SLC16A3: variants seen among roughly 807,000 people sequenced by gnomAD.
The protein encoded by SLC16A3 is solute carrier family 16 member 3.
SLC16A3 carries 22 observed loss-of-function variants against 25.0 expected under a neutral mutation model. That is an observed-to-expected ratio of 0.88 (90% CI 0.63 to 1.26). SLC16A3 has a LOEUF of 1.26. SLC16A3 is among the 50% of genes most tolerant of loss of function. The pLI, the probability that SLC16A3 is intolerant of heterozygous loss-of-function variation, is 0.00. For synonymous variants in SLC16A3, 390 were observed against 309.2 expected (o/e 1.26, Z -2.74); for missense variants, 731 against 666.6 (o/e 1.10, Z -1.06).
At chr17:82,219,820 ACTCCT>A (rs1470815692) in intron 1 of SLC16A3, among the ~76,000 whole-genome samples, 1 of 150,892 alleles carries the variant, frequency 6.6e-6, no homozygotes, top group Non-Finnish European at 1.5e-5. Context: ...TCCAGTCTTG[ACTCCT>A]CTCCTTCCAC....
chr17:82,232,620 G>A (rs2050515699), intron 1 of SLC16A3, among the ~76,000 whole-genome samples: 1 of 152,222 alleles, frequency 6.6e-6, no homozygotes, highest in South Asian at 2.1e-4. Flanking sequence ...AGGACTTCAT[G>A]GTCGAATCCT....
At position 82,237,855 on chromosome 17, in the gene SLC16A3, T is replaced by C; in HGVS notation, c.1085T>C (p.Met362Thr). ...FSSAIGLVLL[M>T]EAVAVLVGPP... is the part of the protein sequence containing the mutation. ...AGTGCCATTGGCCTGGTGCTGCTGA[T>C]GGAGGCGGTGGCCGTGCTCGTCGGG... The change falls in exon 4 of 5, where the codon ATG (methionine) becomes ACG (threonine). Residue 362 changes from methionine to threonine, a missense_variant. Met to Thr is a moderately conservative substitution (Grantham distance 81, BLOSUM62 -1). Coordinates refer to ENST00000582743, the MANE Select transcript of SLC16A3 (RefSeq NM_004207.4). The C allele has an allele frequency of 6.2e-7, 1 of 1,603,752 alleles. No individual in the cohort carries two copies. The highest frequency in any genetic ancestry group is 8.5e-7 in the Non-Finnish European group (1 of 1,179,800).
Position 82,237,400 on chromosome 17 carries a change from G to A in SLC16A3, c.630G>A (p.Pro210=), listed in dbSNP as rs776404128. The A allele has an allele frequency of 3.0e-5, 47 of 1,556,788 alleles. No individual in the cohort carries two copies. The highest frequency in any genetic ancestry group is 3.6e-5 in the Non-Finnish European group (42 of 1,150,760). ...LVVTAQPGSG[P]PRPSRRLLDL... is the part of the protein sequence containing the mutation. ...TCACGGCCCAGCCGGGCTCGGGGCCGCCGCGACCCTCCCGGCGCCTGCTAG... is the reference window on the plus strand; with the variant it reads ...TCACGGCCCAGCCGGGCTCGGGGCCACCGCGACCCTCCCGGCGCCTGCTAG... The change falls in exon 4 of 5, where the codon CCG becomes CCA. Residue 210 remains proline (P), a synonymous_variant. Coordinates refer to ENST00000582743, the MANE Select transcript of SLC16A3 (RefSeq NM_004207.4).
intron 1 of SLC16A3, chr17:82,234,140 T>A (rs1020893940): frequency 6.6e-6 from 1 of 152,286 alleles, no homozygotes; most frequent in Non-Finnish European, 1.5e-5. Flanking sequence ...GCGCCCGGCC[T>A]CAGTGCATAT....
At position 82,236,054 on chromosome 17, in the gene SLC16A3, C is replaced by T. The variant is rs567815704; in HGVS notation, c.46C>T (p.Pro16Ser). 3.1e-6 allele frequency: 5 copies of T among 1,612,792 alleles called. No individual in the cohort carries two copies. Among genetic ancestry groups the T allele is most frequent in the East Asian group, 2.2e-5 (1 of 44,878 alleles). The change falls in exon 2 of 5, where the codon CCT becomes TCT. Residue 16 changes from proline to serine, a missense_variant. By Grantham distance (74) the Pro-to-Ser change is moderately conservative. Transcript: ENST00000582743. Reference protein sequence around the residue: ...VDEGPTGVKAPDGGWGWAVLF... With the variant: ...VDEGPTGVKASDGGWGWAVLF... ...CGAGGGCCCCACAGGCGTCAAGGCC[C>T]CTGACGGCGGCTGGGGCTGGGCCGT...
rs1255459125 is a variant in SLC16A3 at position 82,236,880 on chromosome 17, G to A, written c.367+8G>A. 1.2e-6 allele frequency: 2 copies of A among 1,603,896 alleles called. No homozygotes were observed. The highest frequency in any genetic ancestry group is 1.7e-6 in the Non-Finnish European group (2 of 1,179,394). On this transcript the variant is annotated splice_region_variant and intron_variant, in intron 3 of 4. Coordinates refer to ENST00000582743, the MANE Select transcript of SLC16A3 (RefSeq NM_004207.4). Reference sequence around the variant, plus strand: ...CCACTGGGGTCATCACGGGTGAGTGGGGCCGGCCGGTGGGCCGCACGTGCC... The same window carrying A: ...CCACTGGGGTCATCACGGGTGAGTGAGGCCGGCCGGTGGGCCGCACGTGCC...
chr17:82,222,839 A>G (rs890295295), intron 1 of SLC16A3, among the ~76,000 whole-genome samples: 13 of 150,956 alleles, frequency 8.6e-5, no homozygotes, highest in Non-Finnish European at 1.9e-4. Flanking sequence ...AAGCACTGAT[A>G]GACCCTCTCC....
At chr17:82,231,594 T>A (rs950767541) in intron 1 of SLC16A3, 6 of 152,250 alleles carry the variant, frequency 3.9e-5, no homozygotes, top group African/African-American at 1.2e-4. Context: ...CCCAGGGCGG[T>A]GACAGCCTTG....
chr17:82,218,775 G>A (rs541097090), intron 1 of SLC16A3, among the ~76,000 whole-genome samples: 1 of 152,192 alleles, frequency 6.6e-6, no homozygotes, highest in African/African-American at 2.4e-5. Flanking sequence ...CGGGCAGCAG[G>A]GACGAGGGCC....
intron 4 of SLC16A3, among the ~76,000 whole-genome samples, chr17:82,238,176 C>T (rs116709581): frequency 0.013 from 1,924 of 152,324 alleles, 47 homozygotes; most frequent in African/African-American, 0.044. Flanking sequence ...CACCACGCGG[C>T]AGCTCCAGGC....
chr17:82,238,662 G>T, intron 4 of SLC16A3, 40 bp from the exon 5 acceptor site: 1 of 1,572,932 alleles, frequency 6.4e-7, no homozygotes, highest in Non-Finnish European at 8.6e-7. Flanking sequence ...CCTGGGGGCA[G>T]CCCGCATGAG....
rs200097117 is a variant in SLC16A3 at position 82,238,891 on chromosome 17, T to C, written c.1313T>C (p.Val438Ala). ...CACAAGCCTCCTGCAGACTCGGGGG[T>C]GGACTTGCGGGAGGTGGAGCATTTC... The part of the protein sequence containing the change: ...KLHKPPADSG[V>A]DLREVEHFLK... Residue 438 changes from valine (V) to alanine (A), a missense_variant, in exon 5 of 5, where the codon GTG becomes GCG. Transcript: ENST00000582743. 9.8e-4 allele frequency: 1,568 copies of C among 1,604,876 alleles called. 19 individuals are homozygous for C. Among genetic ancestry groups the C allele is most frequent in the Non-Finnish European group, 6.6e-5 (78 of 1,174,450 alleles).
chr17:82,221,727 C>G (rs1350029025), intron 1 of SLC16A3, among the ~76,000 whole-genome samples: 1 of 152,132 alleles, frequency 6.6e-6, no homozygotes, highest in African/African-American at 2.4e-5. Context: ...ACTTCACACC[C>G]ACGAGCACGG....
chr17:82,237,709 TACGGCGGGCGA>T lies in SLC16A3; in HGVS notation c.940_950del (p.Thr314LeufsTer94), dbSNP rs758720815. The T allele has an allele frequency of 9.9e-6, 16 of 1,612,426 alleles. No individual in the cohort carries two copies. The highest frequency in any genetic ancestry group is 1.2e-5 in the Non-Finnish European group (14 of 1,179,922). On this transcript the variant is annotated frameshift_variant, in exon 4 of 5. Coordinates refer to ENST00000582743, the MANE Select transcript of SLC16A3 (RefSeq NM_004207.4). LOFTEE classifies it high-confidence loss of function. ...ACGGCCTCGCGGACCTGGCGGGTTC[TACGGCGGGCGA>T]CTACGGCGGCCTCGTGGTCTTCTGC...
intron 1 of SLC16A3, among the ~76,000 whole-genome samples, chr17:82,219,869 C>T (rs751895503): frequency 3.9e-5 from 6 of 152,072 alleles, no homozygotes; most frequent in African/African-American, 9.7e-5. Context: ...GACCCAGGGC[C>T]GACGTGGGCT....
At chr17:82,228,737 G>A (rs946429690), upstream of SLC16A3, among the ~76,000 whole-genome samples, 5 of 152,270 alleles carry the variant, frequency 3.3e-5, no homozygotes, top group South Asian at 2.1e-4. Context: ...ACGGCGGGGC[G>A]GAGGGGCGAA....
At chr17:82,236,912 G>GGC (rs2050617235) in intron 3 of SLC16A3, 40 bp downstream of exon 3, 1 of 1,596,698 alleles carries the variant, frequency 6.3e-7, no homozygotes, top group Non-Finnish European at 8.5e-7. Context: ...TGCCAGGAGG[G>GGC]GCAGGGGCCG....
In SLC16A3 at chr17:82,239,636, G is replaced by GGGCTGCGGGGCAGGTGCCTGGAGGC. The variant is rs2050711443; in HGVS notation, c.*661_*685dup. On this transcript the variant is annotated 3_prime_UTR_variant, in exon 5 of 5. Coordinates refer to ENST00000582743, the MANE Select transcript of SLC16A3 (RefSeq NM_004207.4). ...AGCAGGGGCAGGCGCTGCATGGAGG[G>GGGCTGCGGGGCAGGTGCCTGGAGGC]GGCTGCGGGGCAGGTGCCTGGAGGC... The GGGCTGCGGGGCAGGTGCCTGGAGGC allele has an allele frequency of 7.3e-6, 2 of 272,292 alleles. No homozygotes were observed. The highest frequency in any genetic ancestry group is 1.4e-5 in the Non-Finnish European group (2 of 145,922). 16.9% of individuals were successfully genotyped at this position (272,292 alleles called of 1,614,324 possible).
At chr17:82,225,356 C>T (rs1338171508), upstream of SLC16A3, among the ~76,000 whole-genome samples, 1 of 152,214 alleles carries the variant, frequency 6.6e-6, no homozygotes, top group East Asian at 1.9e-4. Flanking sequence ...GGTCCTGGTC[C>T]TGGGTCTAGG....
Sources: allele counts gnomAD v4.1 joint callset (sites outside exome capture counted in the v4.1 genomes callset), GRCh38; gene constraint gnomAD v4.1.1; transcripts MANE v1.5; gene names NCBI Gene and HGNC (gene_info 2026-07-23, HGNC 2026-07-21).